Variants in NBPF3 observed in about 807,000 individuals in gnomAD.
NBPF3 encodes the protein NBPF family member NBPF3.
Under a neutral mutation model 78.1 loss-of-function variants are expected in NBPF3, and 57 were observed. The ratio of observed to expected loss-of-function variants is 0.73; its 90% CI spans 0.59 to 0.91. The LOEUF (loss-of-function observed/expected upper bound fraction) is 0.91, where lower values mean the gene tolerates loss of function less well. NBPF3 is among the 40% of genes least tolerant of loss of function. The pLI, the probability that NBPF3 is intolerant of heterozygous loss-of-function variation, is 0.00. For synonymous variants in NBPF3, 182 were observed against 271.7 expected (o/e 0.67, Z 3.25); for missense variants, 510 against 715.3 (o/e 0.71, Z 3.27).
At chr1:21,478,526 T>G (rs1643008027) in intron 9 of NBPF3, among the ~76,000 whole-genome samples, 1 of 152,258 alleles carries the variant, frequency 6.6e-6, no homozygotes, top group Non-Finnish European at 1.5e-5. Context: ...AGGCCATGCC[T>G]GTGCCACCCT....
chr1:21,437,015 C>T (rs1163501014), upstream of NBPF3, among the ~76,000 whole-genome samples: 1 of 152,062 alleles, frequency 6.6e-6, no homozygotes, highest in East Asian at 1.9e-4. Context: ...GAAGCCGAGC[C>T]CAGAAGTGGG....
At chr1:21,482,212 A>G (rs1363076805) in intron 13 of NBPF3, among the ~76,000 whole-genome samples, 1 of 149,428 alleles carries the variant, frequency 6.7e-6, no homozygotes, top group Non-Finnish European at 1.5e-5. Flanking sequence ...AATTGATTGG[A>G]AAGATATGGC....
At chr1:21,441,725 AGT>A (rs1412114570) in intron 1 of NBPF3, among the ~76,000 whole-genome samples, 26 of 150,846 alleles carry the variant, frequency 1.7e-4, no homozygotes, top group Non-Finnish European at 2.8e-4. Context: ...AAAAAAAAAA[AGT>A]AATGAATTTT....
intron 2 of NBPF3, chr1:21,453,869 C>G (rs5021875): frequency 6.6e-6 from 1 of 152,146 alleles, no homozygotes; most frequent in African/African-American, 2.4e-5. Context: ...ATGCTGCCAC[C>G]AGTGTATGCT....
intron 7 of NBPF3, 72 bp downstream of exon 7, chr1:21,473,657 TAC>T: frequency 7.9e-7 from 1 of 1,273,424 alleles, no homozygotes; most frequent in Non-Finnish European, 1.1e-6. Flanking sequence ...ACAGGCTCTA[TAC>T]ACACAGATTG....
intron 2 of NBPF3, chr1:21,467,448 C>G (rs1454670774): frequency 1.4e-6 from 1 of 720,690 alleles, no homozygotes; most frequent in Middle Eastern, 7.4e-4. Flanking sequence ...ACTCATTCCT[C>G]TCATCTCAAA....
intron 4 of NBPF3, 135 bp from the exon 5 acceptor site, chr1:21,471,434 T>G: frequency 7.0e-7 from 1 of 1,422,762 alleles, no homozygotes; most frequent in African/African-American, 1.4e-5. Flanking sequence ...GGCACAGACA[T>G]TTCTTTAAAC....
At chr1:21,472,994 T>C in intron 6 of NBPF3, 79 bp downstream of exon 6, 2 of 1,123,538 alleles carry the variant, frequency 1.8e-6, no homozygotes, top group South Asian at 1.3e-5. Flanking sequence ...CTCTGGCATC[T>C]ATGATGGGCC....
intron 2 of NBPF3, among the ~76,000 whole-genome samples, chr1:21,457,815 ACTGAG>A (rs541631774): frequency 6.6e-6 from 1 of 152,298 alleles, no homozygotes; most frequent in East Asian, 1.9e-4. Flanking sequence ...TCCAGACCAG[ACTGAG>A]GGGTGGACTG....
chr1:21,468,448 C>G (rs1642397301), intron 2 of NBPF3: 1 of 1,404,678 alleles, frequency 7.1e-7, no homozygotes, highest in East Asian at 2.6e-5. Context: ...CAGACCGTTA[C>G]CTGGCACACT....
rs371854391 is a variant in NBPF3 at position 21,478,210 on chromosome 1, C to A, written c.1059C>A (p.Leu353=). 3.7e-6 allele frequency: 6 copies of A among 1,614,086 alleles called. No individual in the cohort carries two copies. In the African/African-American group the frequency reaches 6.7e-5, roughly 18 times the overall value. The change falls in exon 9 of 15, where the codon CTC becomes CTA. Residue 353 remains leucine (L), a synonymous_variant. Coordinates refer to ENST00000318249, the MANE Select transcript of NBPF3 (RefSeq NM_032264.6). ...CCTGGGATGAAGGTGATTGGACTCT[C>A]TCAATTCCTCCTGACATGTCTGCCT... is the stretch of plus-strand genomic sequence containing the variant. ...QESWDEGDWT[L]SIPPDMSASY...
At chr1:21,450,269 A>G (rs1209779945) in intron 2 of NBPF3, among the ~76,000 whole-genome samples, 8 of 152,232 alleles carry the variant, frequency 5.3e-5, no homozygotes, top group African/African-American at 1.7e-4. Context: ...ACTGTCAGCC[A>G]GGAGACACTC....
At chr1:21,475,727 T>C (rs1261506721) in intron 8 of NBPF3, among the ~76,000 whole-genome samples, 2 of 152,220 alleles carry the variant, frequency 1.3e-5, no homozygotes, top group Non-Finnish European at 1.5e-5. Flanking sequence ...TGTGATGTGA[T>C]GCTGAGAAGA....
At chr1:21,475,256 A>T (rs1443509880) in intron 8 of NBPF3, among the ~76,000 whole-genome samples, 1 of 152,060 alleles carries the variant, frequency 6.6e-6, no homozygotes, top group Non-Finnish European at 1.5e-5. Context: ...TTGTGTCTCT[A>T]TCTCCTTCAG....
intron 3 of NBPF3, among the ~76,000 whole-genome samples, chr1:21,469,192 A>C (rs1477982731): frequency 6.6e-6 from 1 of 152,204 alleles, no homozygotes; most frequent in Non-Finnish European, 1.5e-5. Context: ...CGTGTTTTCA[A>C]GAATCCTCTC....
At position 21,483,094 on chromosome 1, in the gene NBPF3, G is replaced by T. The variant is rs1189896011; in HGVS notation, c.1659-49G>T. ...CCCTGAAATCTAGTTGGGGCTCTGT[G>T]GTGTCTGATTTTCCCTGGCTGCTTC... On this transcript the variant is annotated intron_variant, in intron 14 of 14. Coordinates refer to ENST00000318249, the MANE Select transcript of NBPF3 (RefSeq NM_032264.6). 4 of 1,610,514 alleles carry T rather than the reference G, an allele frequency of 2.5e-6. No individual in the cohort carries two copies. The South Asian group carries it at 4.4e-5, about 18-fold the overall frequency.
At chr1:21,463,297 G>A (rs1642055414) in intron 2 of NBPF3, among the ~76,000 whole-genome samples, 1 of 152,156 alleles carries the variant, frequency 6.6e-6, no homozygotes, top group Non-Finnish European at 1.5e-5. Flanking sequence ...AACTGGGTCG[G>A]GTTAAGGCCA....
chr1:21,470,028 T>TCC (rs397804990), intron 3 of NBPF3, among the ~76,000 whole-genome samples: 1 of 152,010 alleles, frequency 6.6e-6, no homozygotes, highest in Non-Finnish European at 1.5e-5. Context: ...GTTAACACTC[T>TCC]GTTAGTTCTT....
intron 2 of NBPF3, among the ~76,000 whole-genome samples, chr1:21,458,138 C>G (rs555403768): frequency 1.1e-3 from 173 of 152,334 alleles, no homozygotes; most frequent in Non-Finnish European, 1.3e-3. Flanking sequence ...CTTATCTTGT[C>G]TCCTGCTAAA....
Sources: allele counts gnomAD v4.1 joint callset (sites outside exome capture counted in the v4.1 genomes callset), GRCh38; gene constraint gnomAD v4.1.1; transcripts MANE v1.5; gene names NCBI Gene and HGNC (gene_info 2026-07-23, HGNC 2026-07-21).